FAM222B: variants seen among roughly 807,000 people sequenced by gnomAD.
FAM222B encodes the protein protein FAM222B.
Under a neutral mutation model 38.0 loss-of-function variants are expected in FAM222B, and 12 were observed. That is an observed-to-expected ratio of 0.32 (90% CI 0.20 to 0.51). FAM222B has a LOEUF of 0.51. Among genes scored for constraint, FAM222B ranks in the 20% least tolerant of loss-of-function variants. FAM222B has a pLI of 0.97. For missense variants in FAM222B, 716 were observed against 754.2 expected, an observed-to-expected ratio of 0.95 and a Z score of 0.59; for synonymous variants, 329 against 317.2, an observed-to-expected ratio of 1.04 and a Z score of -0.40.
At position 28,772,798 on chromosome 17, in the gene FAM222B, G is replaced by A. The variant is rs1054141974; in HGVS notation, c.-40-6091C>T. 3.9e-5 allele frequency among the ~76,000 whole-genome samples: 6 copies of A among 152,142 alleles called. No homozygotes were observed. The South Asian group carries it at 1.2e-3, about 31-fold the overall frequency. ...TAGTCCCACCTACTCAGGAGGCTGAGGCAGAAGAATCGCTTGAACTGGGGA... is the reference window on the plus strand; with the variant it reads ...TAGTCCCACCTACTCAGGAGGCTGAAGCAGAAGAATCGCTTGAACTGGGGA... On this transcript the variant is annotated intron_variant, in intron 1 of 2. Coordinates refer to ENST00000581407, the MANE Select transcript of FAM222B (RefSeq NM_001077498.3).
intron 1 of FAM222B, among the ~76,000 whole-genome samples, chr17:28,768,118 G>A (rs2035428290): frequency 1.3e-5 from 2 of 152,110 alleles, no homozygotes; most frequent in Admixed American, 1.3e-4. Flanking sequence ...AAGCTCCTTA[G>A]GTAACAGAAA....
chr17:28,793,566 A>G (rs1421367064), intron 1 of FAM222B, among the ~76,000 whole-genome samples: 1 of 152,098 alleles, frequency 6.6e-6, no homozygotes, highest in Non-Finnish European at 1.5e-5. Context: ...GATGATGTTT[A>G]TATACTCCCC....
rs1159391359 is a variant in FAM222B, at chr17:28,756,483, T to G, written c.*1787A>C. 6.6e-6 allele frequency: 1 copy of G among 151,980 alleles called. No homozygotes were observed. Among genetic ancestry groups the G allele is most frequent in the Non-Finnish European group, 1.5e-5 (1 of 67,972 alleles). 9.4% of individuals were successfully genotyped at this position (151,980 alleles called of 1,614,324 possible). A position where few individuals can be genotyped will look rare whatever the true frequency, so the allele number is the denominator to read the frequency against. On this transcript the variant is annotated 3_prime_UTR_variant, in exon 3 of 3. Coordinates refer to ENST00000581407, the MANE Select transcript of FAM222B (RefSeq NM_001077498.3). ...ACAGCAAGAATATCTGCTTTGGAGATCAAGCAAGGGGTAGGGGGAAGACAG... is the reference window on the plus strand; with the variant it reads ...ACAGCAAGAATATCTGCTTTGGAGAGCAAGCAAGGGGTAGGGGGAAGACAG...
intron 1 of FAM222B, among the ~76,000 whole-genome samples, chr17:28,816,701 C>T (rs536780221): frequency 6.6e-6 from 1 of 152,224 alleles, no homozygotes; most frequent in East Asian, 1.9e-4. Flanking sequence ...ACAATTTCCT[C>T]ATAAAGAACT....
chr17:28,809,311 C>A (rs927743216), intron 1 of FAM222B, among the ~76,000 whole-genome samples: 24 of 150,914 alleles, frequency 1.6e-4, no homozygotes, highest in African/African-American at 5.4e-4. Flanking sequence ...AGAGATTGTG[C>A]CACTGCATTC....
intron 1 of FAM222B, among the ~76,000 whole-genome samples, chr17:28,850,711 C>T (rs1231516201): frequency 1.3e-5 from 2 of 152,082 alleles, no homozygotes; most frequent in Admixed American, 1.3e-4. Flanking sequence ...GTCTGTTTGC[C>T]TATTTTCTTC....
At chr17:28,769,014 T>G (rs1029653219) in intron 1 of FAM222B, among the ~76,000 whole-genome samples, 13 of 151,944 alleles carry the variant, frequency 8.6e-5, no homozygotes, top group Admixed American at 8.5e-4. Context: ...GGGGCTTTAG[T>G]GATGTTTTCT....
chr17:28,850,351 G>C (rs2039172722), intron 1 of FAM222B, among the ~76,000 whole-genome samples: 1 of 151,738 alleles, frequency 6.6e-6, no homozygotes, highest in Non-Finnish European at 1.5e-5. Context: ...GCCCGGGCTG[G>C]AGTGCAGTGG....
chr17:28,813,524 CTTTT>C (rs36026990), intron 1 of FAM222B, among the ~76,000 whole-genome samples: 4 of 147,718 alleles, frequency 2.7e-5, no homozygotes, highest in Non-Finnish European at 4.5e-5. Flanking sequence ...ACAGTTGTTT[CTTTT>C]TTTTTTGTTT....
At chr17:28,800,371 C>A (rs984459555) in intron 1 of FAM222B, among the ~76,000 whole-genome samples, 1 of 152,144 alleles carries the variant, frequency 6.6e-6, no homozygotes, top group African/African-American at 2.4e-5. Context: ...GAAAGATGAG[C>A]AGATGTGGAC....
intron 1 of FAM222B, among the ~76,000 whole-genome samples, chr17:28,780,604 G>A (rs994421289): frequency 1.3e-5 from 2 of 152,090 alleles, no homozygotes; most frequent in African/African-American, 2.4e-5. Flanking sequence ...TGAAGAGGAT[G>A]GGTGCGGTGG....
chr17:28,786,952 T>C (rs1279487282), intron 1 of FAM222B, among the ~76,000 whole-genome samples: 2 of 132,622 alleles, frequency 1.5e-5, no homozygotes, highest in South Asian at 2.6e-4. Context: ...TCGCCCAGCC[T>C]GGAGTGCAGT....
chr17:28,815,716 G>A (rs1202915045), intron 1 of FAM222B, among the ~76,000 whole-genome samples: 1 of 152,092 alleles, frequency 6.6e-6, no homozygotes, highest in Non-Finnish European at 1.5e-5. Context: ...TGTAACTCCA[G>A]CACTTTGGGT....
At chr17:28,850,785 A>C (rs1007277021) in intron 1 of FAM222B, among the ~76,000 whole-genome samples, 4 of 152,092 alleles carry the variant, frequency 2.6e-5, no homozygotes, top group South Asian at 2.1e-4. Flanking sequence ...GCAGTGTCTG[A>C]CCAATTTTGA....
intron 1 of FAM222B, among the ~76,000 whole-genome samples, chr17:28,776,238 A>T (rs1567815084): frequency 6.6e-6 from 1 of 151,098 alleles, no homozygotes; most frequent in Admixed American, 6.6e-5. Flanking sequence ...TTAGCTGGGC[A>T]TGGTGGCAGG....
At chr17:28,793,364 G>A (rs990101153) in intron 1 of FAM222B, among the ~76,000 whole-genome samples, 10 of 152,090 alleles carry the variant, frequency 6.6e-5, no homozygotes, top group African/African-American at 2.2e-4. Context: ...AGTGTTAACC[G>A]TTTTGACATT....
At chr17:28,781,016 A>G (rs1465039938) in intron 1 of FAM222B, among the ~76,000 whole-genome samples, 1 of 152,200 alleles carries the variant, frequency 6.6e-6, no homozygotes, top group Non-Finnish European at 1.5e-5. Flanking sequence ...CAGCAACAAA[A>G]CAACCCAATT....
intron 1 of FAM222B, among the ~76,000 whole-genome samples, chr17:28,817,097 G>A (rs1368793848): frequency 6.6e-6 from 1 of 151,828 alleles, no homozygotes; most frequent in Admixed American, 6.6e-5. Context: ...TTTAGTTAGA[G>A]AAGACATGAC....
At chr17:28,798,869 G>A (rs1211743738) in intron 1 of FAM222B, among the ~76,000 whole-genome samples, 5 of 151,810 alleles carry the variant, frequency 3.3e-5, no homozygotes, top group African/African-American at 7.3e-5. Context: ...CACCCGCCTC[G>A]GCCTCCCAAA....
Sources: allele counts gnomAD v4.1 joint callset (sites outside exome capture counted in the v4.1 genomes callset), GRCh38; gene constraint gnomAD v4.1.1; transcripts MANE v1.5; gene names NCBI Gene and HGNC (gene_info 2026-07-23, HGNC 2026-07-21).